CCDC196: variants seen among roughly 807,000 people sequenced by gnomAD.
CCDC196 encodes coiled-coil domain-containing protein 196.
Position 66,491,691 on chromosome 14 carries a change from A to G in CCDC196, c.573+6A>G. 2.4e-6 allele frequency: 1 copy of G among 413,890 alleles called. No individual in the cohort carries two copies. 25.6% of individuals were successfully genotyped at this position (413,890 alleles called of 1,614,324 possible). On this transcript the variant is annotated splice_donor_region_variant and intron_variant, in intron 7 of 9. Transcript: ENST00000636229. Reference sequence around the variant, plus strand: ...AACAAAATAACATCCTTCAGGTACTAAGATCTTCCAAGGCTGGATATAGGA... The same window carrying G: ...AACAAAATAACATCCTTCAGGTACTGAGATCTTCCAAGGCTGGATATAGGA...
intron 2 of CCDC196, among the ~76,000 whole-genome samples, chr14:66,487,545 G>C (rs1263474715): frequency 2.0e-5 from 3 of 152,022 alleles, no homozygotes; most frequent in East Asian, 1.9e-4. Flanking sequence ...CTTAGAACTG[G>C]GGAGAAAAAA....
intron 3 of CCDC196, 55 bp downstream of exon 3, chr14:66,488,311 T>C (rs1683234076): frequency 9.8e-6 from 4 of 410,044 alleles, no homozygotes; most frequent in Non-Finnish European, 1.8e-5. Flanking sequence ...TCAATTCCAT[T>C]GCAGTGTCAG....
At chr14:66,489,191 T>C (rs1029598322) in intron 4 of CCDC196, among the ~76,000 whole-genome samples, 154 bp downstream of exon 4, 3 of 152,206 alleles carry the variant, frequency 2.0e-5, no homozygotes, top group South Asian at 2.1e-4. Flanking sequence ...AAGGTGATCT[T>C]TTTAAAACAA....
At chr14:66,491,439 C>G (rs1427260649) in intron 6 of CCDC196, among the ~76,000 whole-genome samples, 187 bp from the exon 7 acceptor site, 1 of 152,148 alleles carries the variant, frequency 6.6e-6, no homozygotes, top group Non-Finnish European at 1.5e-5. Context: ...ATAAAATAAC[C>G]CTATTCATTA....
chr14:66,497,103 C>T (rs1052994531), intron 8 of CCDC196, among the ~76,000 whole-genome samples: 4 of 152,098 alleles, frequency 2.6e-5, no homozygotes, highest in South Asian at 2.1e-4. Context: ...AGGGCAGGGG[C>T]GGAAAACCAC....
intron 8 of CCDC196, chr14:66,496,211 A>G (rs759134045): frequency 7.5e-5 from 34 of 454,534 alleles, no homozygotes; most frequent in Non-Finnish European, 1.4e-4. Context: ...TCAGTAAATC[A>G]GGGTACAGGC....
chr14:66,486,486 A>G lies in CCDC196; in HGVS notation c.-17A>G. The G allele has an allele frequency of 2.4e-6, 1 of 410,854 alleles. No homozygotes were observed. 25.5% of individuals were successfully genotyped at this position (410,854 alleles called of 1,614,324 possible). Reference sequence around the variant, plus strand: ...TTTTCAGGAAGGCCTCTTTATTCTTAGAAGTTACCCTTCAAGATGACAAGT... The same window carrying G: ...TTTTCAGGAAGGCCTCTTTATTCTTGGAAGTTACCCTTCAAGATGACAAGT... On this transcript the variant is annotated 5_prime_UTR_variant, in exon 1 of 10. Transcript: ENST00000636229.
chr14:66,490,087 G>A (rs1327165227), intron 4 of CCDC196, among the ~76,000 whole-genome samples: 2 of 151,956 alleles, frequency 1.3e-5, no homozygotes, highest in Middle Eastern at 3.2e-3. Context: ...CCAGGTTCTC[G>A]TGGGCAGTTA....
chr14:66,490,028 C>T (rs7144217), intron 4 of CCDC196, among the ~76,000 whole-genome samples: 1 of 152,006 alleles, frequency 6.6e-6, no homozygotes, highest in Non-Finnish European at 1.5e-5. Context: ...GACTTTTCCA[C>T]AAATAATCAG....
At chr14:66,492,309 T>A in intron 8 of CCDC196, 115 bp downstream of exon 8, 1 of 402,732 alleles carries the variant, frequency 2.5e-6, no homozygotes, top group Non-Finnish European at 4.4e-6. Flanking sequence ...AGTTAAATGT[T>A]AGTAGTACAG....
chr14:66,492,218 C>CTTG, intron 8 of CCDC196, 24 bp downstream of exon 8: 1 of 413,590 alleles, frequency 2.4e-6, no homozygotes, highest in Admixed American at 4.4e-5. Flanking sequence ...CCCAGGTACA[C>CTTG]AGTTTGAGGT....
At chr14:66,487,298 A>T (rs1344766965) in intron 2 of CCDC196, among the ~76,000 whole-genome samples, 1 of 152,064 alleles carries the variant, frequency 6.6e-6, no homozygotes, top group Non-Finnish European at 1.5e-5. Context: ...GGGACCCACA[A>T]ACTCTGTTTC....
At chr14:66,488,037 A>G (rs2057449739) in intron 2 of CCDC196, 123 bp from the exon 3 acceptor site, 1 of 399,284 alleles carries the variant, frequency 2.5e-6, no homozygotes, top group Non-Finnish European at 4.5e-6. Context: ...AAGGGCTTCC[A>G]TAACTCCTGA....
At chr14:66,497,828 T>C (rs2057701765) in intron 8 of CCDC196, among the ~76,000 whole-genome samples, 1 of 152,138 alleles carries the variant, frequency 6.6e-6, no homozygotes, top group African/African-American at 2.4e-5. Flanking sequence ...TATCTGAGGG[T>C]ATGTATATAT....
At chr14:66,493,501 G>A (rs1476289057) in intron 8 of CCDC196, among the ~76,000 whole-genome samples, 2 of 152,116 alleles carry the variant, frequency 1.3e-5, no homozygotes, top group Non-Finnish European at 2.9e-5. Context: ...GATGATAGTC[G>A]CCAATGTCTT....
intron 3 of CCDC196, 115 bp from the exon 4 acceptor site, chr14:66,488,872 G>T (rs2057470952): frequency 2.4e-6 from 1 of 409,498 alleles, no homozygotes; most frequent in Admixed American, 4.4e-5. Flanking sequence ...TTCCTCTGTG[G>T]TTTACTATGT....
At chr14:66,493,825 T>C (rs570083284) in intron 8 of CCDC196, 3 of 152,300 alleles carry the variant, frequency 2.0e-5, no homozygotes, top group African/African-American at 7.2e-5. Flanking sequence ...AGAAGCAGTA[T>C]TAAATCATTA....
rs1447246020 is a variant in CCDC196, at chr14:66,488,974, C to T, written c.301-13C>T. The T allele has an allele frequency of 4.8e-6, 2 of 413,058 alleles. No homozygotes were observed. The highest frequency in any genetic ancestry group is 8.8e-5 in the Admixed American group (2 of 22,694). 25.6% of individuals were successfully genotyped at this position (413,058 alleles called of 1,614,324 possible). On this transcript the variant is annotated splice_polypyrimidine_tract_variant and intron_variant, in intron 3 of 9. Transcript: ENST00000636229. ...ACATGCTTCTGTTTGTTTGGTTCTT[C>T]CCCCTCCAACAGGAAAGGAAAAACA...
intron 1 of CCDC196, 47 bp from the exon 2 acceptor site, chr14:66,486,610 C>G (rs761214430): frequency 1.9e-5 from 8 of 413,294 alleles, no homozygotes; most frequent in Non-Finnish European, 3.1e-5. Flanking sequence ...CTCTCTCTCT[C>G]TCTCAACCCA....
Sources: allele counts gnomAD v4.1 joint callset (sites outside exome capture counted in the v4.1 genomes callset), GRCh38; gene constraint gnomAD v4.1.1; transcripts MANE v1.5; gene names NCBI Gene and HGNC (gene_info 2026-07-23, HGNC 2026-07-21).